The following CPXM2 variants were observed in gnomAD, a reference collection of about 807,000 sequenced individuals.
CPXM2 encodes the protein inactive carboxypeptidase-like protein X2.
In CPXM2, 66 loss-of-function variants were observed where a neutral mutation model predicts 86.1. The ratio of observed to expected loss-of-function variants is 0.77; its 90% CI spans 0.63 to 0.94. The LOEUF is 0.94. Among genes scored for constraint, CPXM2 ranks in the 40% least tolerant of loss-of-function variants. The pLI, the probability that CPXM2 is intolerant of heterozygous loss-of-function variation, is 0.00. For synonymous variants in CPXM2, 388 were observed against 400.2 expected, an observed-to-expected ratio of 0.97 and a Z score of 0.36; for missense variants, 948 against 1,026.3, an observed-to-expected ratio of 0.92 and a Z score of 1.04.
chr10:123,794,087 C>T (rs1346226569), intron 6 of CPXM2, among the ~76,000 whole-genome samples: 11 of 152,224 alleles, frequency 7.2e-5, no homozygotes, highest in African/African-American at 2.7e-4. Context: ...GTGTCACCTG[C>T]TCTTGGCCGA....
intron 4 of CPXM2, among the ~76,000 whole-genome samples, chr10:123,810,123 A>G (rs1323011935): frequency 6.6e-6 from 1 of 152,044 alleles, no homozygotes; most frequent in Non-Finnish European, 1.5e-5. Flanking sequence ...ATATTTTAAG[A>G]CTAAAAGCAT....
At chr10:123,802,163 T>G (rs1217184391) in intron 4 of CPXM2, among the ~76,000 whole-genome samples, 5 of 151,996 alleles carry the variant, frequency 3.3e-5, no homozygotes, top group Non-Finnish European at 7.4e-5. Flanking sequence ...TTGATAGGAG[T>G]GGAACTTCCT....
At chr10:123,784,703 A>G (rs1009866195) in intron 6 of CPXM2, among the ~76,000 whole-genome samples, 6 of 152,172 alleles carry the variant, frequency 3.9e-5, no homozygotes, top group Non-Finnish European at 5.9e-5. Flanking sequence ...TCACTCCCTC[A>G]CGAAGCAGCC....
intron 4 of CPXM2, among the ~76,000 whole-genome samples, chr10:123,820,164 T>A (rs992029992): frequency 3.9e-5 from 6 of 152,140 alleles, no homozygotes; most frequent in African/African-American, 1.2e-4. Flanking sequence ...ATCATGTGAG[T>A]TAATACTTAA....
chr10:123,911,793 C>T (rs1210580127), intron 2 of CPXM2, among the ~76,000 whole-genome samples: 2 of 152,022 alleles, frequency 1.3e-5, no homozygotes. Context: ...ACACTGTGAG[C>T]ACCGTCTCCT....
chr10:123,790,498 A>G (rs1038835652), intron 6 of CPXM2, among the ~76,000 whole-genome samples: 1 of 152,228 alleles, frequency 6.6e-6, no homozygotes, highest in Non-Finnish European at 1.5e-5. Flanking sequence ...AGGAAGTTAA[A>G]CTTTAAAATG....
chr10:123,909,298 G>T (rs1017907531), intron 2 of CPXM2, among the ~76,000 whole-genome samples: 1 of 152,154 alleles, frequency 6.6e-6, no homozygotes, highest in Non-Finnish European at 1.5e-5. Flanking sequence ...GGGGGGACTC[G>T]CCCTCAGCAA....
At chr10:123,755,195 G>A (rs906096051) in intron 12 of CPXM2, among the ~76,000 whole-genome samples, 2 of 152,148 alleles carry the variant, frequency 1.3e-5, no homozygotes, top group African/African-American at 2.4e-5. Flanking sequence ...GCATGCTTTC[G>A]GCATGCCCTC....
chr10:123,808,359 A>AAACAACAACAACAACAAC (rs57892592), intron 4 of CPXM2, among the ~76,000 whole-genome samples: 1 of 150,176 alleles, frequency 6.7e-6, no homozygotes, highest in African/African-American at 2.5e-5. Context: ...GGGCAAACAA[A>AAACAACAACAACAACAAC]AACAACAACA....
chr10:123,894,393 T>C (rs74162968), upstream of CPXM2, among the ~76,000 whole-genome samples: 2,752 of 152,312 alleles, frequency 0.018, 88 homozygotes, highest in African/African-American at 0.064. Context: ...TTGTTTGTTT[T>C]CCCTGGAGAG....
At chr10:123,792,095 G>C (rs559824219) in intron 6 of CPXM2, among the ~76,000 whole-genome samples, 1 of 152,310 alleles carries the variant, frequency 6.6e-6, no homozygotes, top group African/African-American at 2.4e-5. Context: ...CACCATTAGC[G>C]AGTCACAGAG....
At chr10:123,931,832 G>A (rs922799478) in intron 2 of CPXM2, among the ~76,000 whole-genome samples, 4 of 152,172 alleles carry the variant, frequency 2.6e-5, no homozygotes, top group Admixed American at 2.0e-4. Flanking sequence ...TCATAATATT[G>A]TTCAGAATAG....
intron 2 of CPXM2, among the ~76,000 whole-genome samples, chr10:123,905,000 C>T (rs1345154702): frequency 1.1e-5 from 1 of 88,526 alleles, no homozygotes; most frequent in East Asian, 2.6e-4. Flanking sequence ...CTGGGTCAGG[C>T]AGGTGGCAGG....
At chr10:123,886,910 T>C (rs1457745876) in intron 1 of CPXM2, 5 of 152,210 alleles carry the variant, frequency 3.3e-5, no homozygotes, top group African/African-American at 7.2e-5. Flanking sequence ...AATTTGAAGA[T>C]GGCATGGAAA....
chr10:123,794,566 C>T (rs1020962691), intron 6 of CPXM2, among the ~76,000 whole-genome samples: 31 of 152,212 alleles, frequency 2.0e-4, no homozygotes, highest in Admixed American at 9.8e-4. Context: ...GTTCTTAACT[C>T]GCTTTTTTTT....
At chr10:123,795,879 G>T (rs1847326501) in intron 6 of CPXM2, among the ~76,000 whole-genome samples, 2 of 152,122 alleles carry the variant, frequency 1.3e-5, no homozygotes, top group Admixed American at 1.3e-4. Context: ...TTTATTTCAT[G>T]AGACTCTCAT....
intron 4 of CPXM2, among the ~76,000 whole-genome samples, chr10:123,800,919 C>T (rs772384256): frequency 2.0e-5 from 3 of 152,164 alleles, no homozygotes; most frequent in South Asian, 2.1e-4. Flanking sequence ...AAAGTCTCTG[C>T]GACATCTCAA....
Position 123,767,157 on chromosome 10 carries a change from A to G in CPXM2, c.1300-5T>C, listed in dbSNP as rs747143543. 2.5e-6 allele frequency: 4 copies of G among 1,613,576 alleles called. No homozygotes were observed. The African/African-American group carries it at 5.3e-5, about 22-fold the overall frequency. On this transcript the variant is annotated splice_region_variant and splice_polypyrimidine_tract_variant and intron_variant, in intron 9 of 13. Coordinates refer to ENST00000241305, the MANE Select transcript of CPXM2 (RefSeq NM_198148.3). The stretch of plus-strand genomic sequence containing the variant: ...CCAGCCTCCCAGCTCCGAGCCCTGG[A>G]GACAAGTGAGAGTGTGAAGAATGCA...
intron 6 of CPXM2, among the ~76,000 whole-genome samples, chr10:123,788,821 C>T (rs1263779470): frequency 6.7e-6 from 1 of 150,328 alleles, no homozygotes; most frequent in Non-Finnish European, 1.5e-5. Context: ...CACTAACTAT[C>T]GCCAAAGCGT....
Sources: gnomAD v4.1 joint callset for allele counts (sites outside exome capture counted in the v4.1 genomes callset) on GRCh38, gnomAD v4.1.1 for gene constraint, MANE v1.5 for transcripts, NCBI Gene and HGNC (gene_info 2026-07-23, HGNC 2026-07-21) for gene names.